The following ANO2 variants were observed in gnomAD, a reference collection of about 807,000 sequenced individuals.
ANO2 encodes the protein anoctamin-2.
In ANO2, 101 loss-of-function variants were observed where a neutral mutation model predicts 124.2. That is an observed-to-expected ratio of 0.81 (90% CI 0.69 to 0.96). The LOEUF is 0.96. ANO2 is among the 40% of genes least tolerant of loss of function. The pLI is 0.00. For missense variants in ANO2, 1,293 were observed against 1,274.5 expected (o/e 1.01, Z -0.22); for synonymous variants, 486 against 482.5 (o/e 1.01, Z -0.09).
intron 5 of ANO2, among the ~76,000 whole-genome samples, chr12:5,832,189 G>T (rs1954173053): frequency 6.6e-6 from 1 of 152,326 alleles, no homozygotes; most frequent in Non-Finnish European, 1.5e-5. Flanking sequence ...GCTGCTCCCT[G>T]GTTTGCCCTC....
chr12:5,744,212 G>T lies in ANO2; in HGVS notation c.1296C>A (p.Ser432Arg). 1 of 1,613,952 alleles carries T rather than the reference G, an allele frequency of 6.2e-7. No homozygotes were observed. Among genetic ancestry groups the T allele is most frequent in the Non-Finnish European group, 8.5e-7 (1 of 1,179,896 alleles). The change falls in exon 12 of 25, where the codon AGC (serine) becomes AGA (arginine). Residue 432 changes from serine to arginine, a missense_variant. Physicochemically the swap from Ser to Arg is moderately radical, Grantham distance 110 (BLOSUM62 -1). Coordinates refer to ENST00000682330, the MANE Select transcript of ANO2 (RefSeq NM_001364791.2). The stretch of plus-strand genomic sequence containing the variant: ...CGGTGGCAGGGTTGTCAAACAGGTG[G>T]CTGGCCTGCGCGGTCCCACAGGCTG... ...LSSACGTAQASHLFDNPATVF... is the reference protein window; with the variant it reads ...LSSACGTAQARHLFDNPATVF...
intron 11 of ANO2, 39 bp downstream of exon 11, chr12:5,750,797 C>T (rs1392707635): frequency 6.3e-7 from 1 of 1,593,694 alleles, no homozygotes; most frequent in Non-Finnish European, 8.5e-7. Context: ...AAATTATTAA[C>T]ATATGGCAAC....
intron 10 of ANO2, among the ~76,000 whole-genome samples, chr12:5,789,914 T>C (rs774522817): frequency 1.3e-4 from 20 of 152,176 alleles, no homozygotes; most frequent in Non-Finnish European, 2.5e-4. Context: ...GTGGTGTGGG[T>C]GGAGAACATC....
intron 14 of ANO2, among the ~76,000 whole-genome samples, chr12:5,681,872 G>GC (rs924270701): frequency 5.3e-5 from 8 of 152,162 alleles, no homozygotes; most frequent in African/African-American, 1.9e-4. Context: ...TCCCAAGAAA[G>GC]CAGACGGTCT....
chr12:5,891,215 CT>C (rs1483969939), intron 3 of ANO2, among the ~76,000 whole-genome samples: 9 of 152,156 alleles, frequency 5.9e-5, no homozygotes, highest in Admixed American at 2.6e-4. Flanking sequence ...CTATTTCTGG[CT>C]TTAGAAAAAG....
At chr12:5,729,697 A>AC (rs1417136138) in intron 14 of ANO2, among the ~76,000 whole-genome samples, 3 of 152,028 alleles carry the variant, frequency 2.0e-5, no homozygotes, top group East Asian at 1.9e-4. Context: ...GCAAAAAAAA[A>AC]AAACTTGTAC....
chr12:5,764,565 G>A (rs1335686380), intron 10 of ANO2, among the ~76,000 whole-genome samples: 1 of 152,170 alleles, frequency 6.6e-6, no homozygotes, highest in East Asian at 1.9e-4. Context: ...ATGAATTCCA[G>A]GAAGGATTTA....
chr12:5,883,502 G>GGTGTGTGTGTGTGTGTGTGTGT (rs5796191), intron 3 of ANO2, among the ~76,000 whole-genome samples: 53 of 144,682 alleles, frequency 3.7e-4, no homozygotes, highest in African/African-American at 1.3e-3. Flanking sequence ...ACATTAGGGT[G>GGTGTGTGTGTGTGTGTGTGTGT]GTGTGTGTGT....
At chr12:5,630,113 A>G (rs1323636995) in intron 16 of ANO2, among the ~76,000 whole-genome samples, 4 of 152,212 alleles carry the variant, frequency 2.6e-5, no homozygotes, top group African/African-American at 4.8e-5. Flanking sequence ...CTGGTCTTCC[A>G]TTACTCAGCC....
intron 4 of ANO2, among the ~76,000 whole-genome samples, chr12:5,838,220 C>T (rs2137228941): frequency 1.3e-5 from 2 of 152,230 alleles, no homozygotes; most frequent in South Asian, 4.1e-4. Flanking sequence ...TTTACTGGGA[C>T]CAGGAGTGGG....
chr12:5,723,650 A>AAG (rs1262538935), intron 14 of ANO2, among the ~76,000 whole-genome samples: 1 of 152,090 alleles, frequency 6.6e-6, no homozygotes, highest in Admixed American at 6.5e-5. Context: ...TAGAGAAAGA[A>AAG]AGAGAGAGAG....
chr12:5,915,048 T>C (rs530872152), intron 3 of ANO2, among the ~76,000 whole-genome samples: 175 of 152,296 alleles, frequency 1.1e-3, no homozygotes, highest in Non-Finnish European at 1.5e-3. Context: ...GGAAACTCTC[T>C]GGACGCTCAA....
intron 14 of ANO2, among the ~76,000 whole-genome samples, chr12:5,694,544 T>C (rs561426820): frequency 1.3e-5 from 2 of 152,310 alleles, no homozygotes; most frequent in African/African-American, 4.8e-5. Context: ...CATATGCCAC[T>C]AACTAGTGAA....
chr12:5,614,440 T>TC (rs1456429840), intron 17 of ANO2, among the ~76,000 whole-genome samples: 1 of 152,160 alleles, frequency 6.6e-6, no homozygotes, highest in Non-Finnish European at 1.5e-5. Flanking sequence ...GCATTGGAGA[T>TC]CGAGTTCACT....
chr12:5,877,419 TA>T (rs1938183530), intron 3 of ANO2, among the ~76,000 whole-genome samples: 1 of 152,144 alleles, frequency 6.6e-6, no homozygotes, highest in Admixed American at 6.5e-5. Flanking sequence ...AAATTTGAGG[TA>T]GTTGTTCTGG....
intron 10 of ANO2, among the ~76,000 whole-genome samples, chr12:5,753,265 G>T (rs1951491116): frequency 6.6e-6 from 1 of 152,196 alleles, no homozygotes; most frequent in Non-Finnish European, 1.5e-5. Flanking sequence ...AGGGGAAAGA[G>T]GGAGGGTATG....
intron 10 of ANO2, among the ~76,000 whole-genome samples, chr12:5,768,784 C>G (rs897798315): frequency 1.3e-5 from 2 of 152,184 alleles, no homozygotes; most frequent in Non-Finnish European, 2.9e-5. Context: ...CCCTGGCTGT[C>G]TGCCCCTGAG....
chr12:5,870,501 A>T (rs1955544905), intron 3 of ANO2: 1 of 152,270 alleles, frequency 6.6e-6, no homozygotes. Flanking sequence ...GTGACTTCAC[A>T]AAGGGCAGGA....
chr12:5,922,610 C>CCG lies in ANO2; in HGVS notation c.207+9_207+10insCG. ...CCTATCCCCCCACCCCACCCCCGCC[C>CCG]AGTACTCACAGAGCTGCTGCGGGTG... is the stretch of plus-strand genomic sequence containing the variant. On this transcript the variant is annotated intron_variant, in intron 2 of 24. Transcript: ENST00000682330. The CCG allele has an allele frequency of 1.3e-6, 2 of 1,525,310 alleles. No homozygotes were observed. Among genetic ancestry groups the CCG allele is most frequent in the Non-Finnish European group, 1.8e-6 (2 of 1,136,090 alleles). The allele number at this position is 1,525,310 out of a possible 1,614,324, so 94.5% of individuals were successfully genotyped here. A position where few individuals can be genotyped will look rare whatever the true frequency, so the allele number is the denominator to read the frequency against.
Sources: gnomAD v4.1 joint callset for allele counts (sites outside exome capture counted in the v4.1 genomes callset) on GRCh38, gnomAD v4.1.1 for gene constraint, MANE v1.5 for transcripts, NCBI Gene and HGNC (gene_info 2026-07-23, HGNC 2026-07-21) for gene names.